The following TAF4 variants were observed in gnomAD, a reference collection of about 807,000 sequenced individuals.
TAF4 encodes transcription initiation factor TFIID subunit 4.
In TAF4, 9 loss-of-function variants were observed where a neutral mutation model predicts 90.3. The observed-to-expected ratio is 0.10, with a 90% CI of 0.06 to 0.17. The LOEUF (loss-of-function observed/expected upper bound fraction) is 0.17, where lower values mean the gene tolerates loss of function less well. Among genes scored for constraint, TAF4 ranks in the 10% least tolerant of loss-of-function variants. TAF4 has a pLI of 1.00. For missense variants in TAF4, 1,351 were observed against 1,370.7 expected, an observed-to-expected ratio of 0.99 and a Z score of 0.23; for synonymous variants, 818 against 638.9, an observed-to-expected ratio of 1.28 and a Z score of -4.23.
At chr20:62,045,191 C>T (rs1372197804) in intron 1 of TAF4, among the ~76,000 whole-genome samples, 1 of 152,214 alleles carries the variant, frequency 6.6e-6, no homozygotes, top group East Asian at 1.9e-4. Context: ...AAACGGAATC[C>T]CATCGGGATG....
At chr20:61,989,394 C>G (rs1308508219) in intron 14 of TAF4, among the ~76,000 whole-genome samples, 1 of 152,164 alleles carries the variant, frequency 6.6e-6, no homozygotes, top group Non-Finnish European at 1.5e-5. Context: ...AGACTCCAGC[C>G]ACAAGAAGCT....
chr20:62,009,182 A>G lies in TAF4; in HGVS notation c.1762-8T>C, dbSNP rs750254340. 1 of 1,599,842 alleles carries G rather than the reference A, an allele frequency of 6.3e-7. No homozygotes were observed. The highest frequency in any genetic ancestry group is 8.5e-7 in the Non-Finnish European group (1 of 1,175,616). ...CACGTTTTCCATAGTTTCCTGGATT[A>G]AAGTAAAAAGATATAAGTGAAAAAT... is the stretch of plus-strand genomic sequence containing the variant. On this transcript the variant is annotated splice_polypyrimidine_tract_variant and splice_region_variant and intron_variant, in intron 4 of 14. Coordinates refer to ENST00000252996, the MANE Select transcript of TAF4 (RefSeq NM_003185.4).
At chr20:62,045,488 G>T (rs28382020) in intron 1 of TAF4, among the ~76,000 whole-genome samples, 2 of 152,256 alleles carry the variant, frequency 1.3e-5, no homozygotes, top group South Asian at 4.1e-4. Context: ...ATGAACCAGC[G>T]ATGCTGCCTG....
At position 62,065,263 on chromosome 20, in the gene TAF4, CCGGGG is replaced by C. The variant is rs2056122164; in HGVS notation, c.543_547del (p.Gly183TrpfsTer277). The C allele has an allele frequency of 6.6e-6, 6 of 910,676 alleles. No homozygotes were observed. Among genetic ancestry groups the C allele is most frequent in the South Asian group, 9.8e-5 (2 of 20,306 alleles). The allele number at this position is 910,676 out of a possible 1,614,324, so 56.4% of individuals were successfully genotyped here. A position where few individuals can be genotyped will look rare whatever the true frequency, so the allele number is the denominator to read the frequency against. ...GCCGGCGGGCTTGCCAGGGCCAGGG[CCGGGG>C]CCGGGGCCGGGGCCGGGCCCGGGGC... On this transcript the variant is annotated frameshift_variant, in exon 1 of 15. Coordinates refer to ENST00000252996, the MANE Select transcript of TAF4 (RefSeq NM_003185.4). LOFTEE classifies it high-confidence loss of function.
chr20:62,052,480 A>G (rs2056034676), intron 1 of TAF4, among the ~76,000 whole-genome samples: 1 of 151,318 alleles, frequency 6.6e-6, no homozygotes, highest in Admixed American at 6.6e-5. Flanking sequence ...AGATCGACAA[A>G]CCCCAGGGTG....
intron 7 of TAF4, chr20:62,005,072 G>A (rs972784352): frequency 3.3e-5 from 5 of 152,338 alleles, no homozygotes; most frequent in African/African-American, 4.8e-5. Flanking sequence ...CTGGGGAAGC[G>A]GCCTATAATG....
At chr20:62,035,564 G>A (rs1312369854) in intron 1 of TAF4, among the ~76,000 whole-genome samples, 1 of 136,936 alleles carries the variant, frequency 7.3e-6, no homozygotes, top group Non-Finnish European at 1.6e-5. Flanking sequence ...CCCATGCCAG[G>A]AGGATTACAT....
intron 1 of TAF4, among the ~76,000 whole-genome samples, chr20:62,038,226 A>AC (rs2055944740): frequency 1.3e-5 from 2 of 151,966 alleles, no homozygotes; most frequent in Non-Finnish European, 2.9e-5. Context: ...ACAGGGTTTC[A>AC]CAGTGTTAGC....
chr20:62,003,091 G>A, intron 9 of TAF4, 69 bp downstream of exon 9: 1 of 1,375,006 alleles, frequency 7.3e-7, no homozygotes, highest in Non-Finnish European at 1.0e-6. Context: ...CGGGAATGGA[G>A]CAGCACGGAC....
chr20:61,981,522 A>C (rs1012522875), intron 14 of TAF4: 1 of 152,216 alleles, frequency 6.6e-6, no homozygotes, highest in African/African-American at 2.4e-5. Flanking sequence ...GAAGAGACAA[A>C]ATTATCTCAG....
chr20:62,013,592 C>T (rs2055792285), intron 2 of TAF4, among the ~76,000 whole-genome samples: 1 of 152,244 alleles, frequency 6.6e-6, no homozygotes, highest in Non-Finnish European at 1.5e-5. Flanking sequence ...CGTCCACGTC[C>T]CTGTCTATGG....
At chr20:62,018,746 GCACC>G (rs2123157826) in intron 1 of TAF4, among the ~76,000 whole-genome samples, 1 of 152,380 alleles carries the variant, frequency 6.6e-6, no homozygotes, top group East Asian at 1.9e-4. Context: ...CCGGCTCCAC[GCACC>G]CAGCCCTCGA....
chr20:62,006,562 A>T lies in TAF4; in HGVS notation c.2171T>A (p.Leu724His). The T allele has an allele frequency of 6.3e-7, 1 of 1,580,834 alleles. No homozygotes were observed. The highest frequency in any genetic ancestry group is 8.6e-7 in the Non-Finnish European group (1 of 1,166,438). The change falls in exon 7 of 15, where the codon CTC becomes CAC. Residue 724 changes from leucine to histidine, a missense_variant. By Grantham distance (99) the Leu-to-His change is moderately conservative. Transcript: ENST00000252996. This position sits in a 1 kb window ranked among gnomAD's most constrained non-coding sequence, Gnocchi z 7.0. ...TSALQPPVLS[L>H]TQPTQVGVGK... ...GACGCCGACCTGCGTGGGCTGCGTG[A>T]GGCTGAGCACAGGGGGCTGGAGGGC...
chr20:62,052,808 C>G (rs1453336170), intron 1 of TAF4, among the ~76,000 whole-genome samples: 1 of 145,474 alleles, frequency 6.9e-6, no homozygotes, highest in African/African-American at 2.6e-5. Flanking sequence ...CACCACCCCA[C>G]CCCCACAGTA....
intron 11 of TAF4, among the ~76,000 whole-genome samples, chr20:61,999,699 AT>A (rs2055686600): frequency 6.6e-6 from 1 of 152,214 alleles, no homozygotes; most frequent in South Asian, 2.1e-4. Flanking sequence ...TAATCCCAGC[AT>A]TTAAGGAGGC....
chr20:62,049,362 G>A (rs2056013100), intron 1 of TAF4, among the ~76,000 whole-genome samples: 1 of 152,156 alleles, frequency 6.6e-6, no homozygotes. Flanking sequence ...CCTGGCACCA[G>A]CCAGCATCCA....
rs372866621 is a variant in TAF4, at chr20:62,000,932, A to G, written c.2487-211T>C. On this transcript the variant is annotated intron_variant, in intron 9 of 14. Coordinates refer to ENST00000252996, the MANE Select transcript of TAF4 (RefSeq NM_003185.4). ...AAGCTCGATTGTTCTGCGGAAGGAG[A>G]GCTGTGAGTTGGCGCCGGGTTAACA... is the stretch of plus-strand genomic sequence containing the variant. Among the ~76,000 whole-genome samples, 12 of 151,914 alleles carry G rather than the reference A, an allele frequency of 7.9e-5. No homozygotes were observed. In the East Asian group the frequency reaches 1.9e-3, roughly 25 times the overall value.
Position 62,065,010 on chromosome 20 carries a change from G to A in TAF4, c.801C>T (p.Ala267=), listed in dbSNP as rs1469071957. The change falls in exon 1 of 15, where the codon GCC becomes GCT. Residue 267 remains alanine, a synonymous_variant. Coordinates refer to ENST00000252996, the MANE Select transcript of TAF4 (RefSeq NM_003185.4). ...PPAAPAPAAP[A]AAPPPPPPAP... ...CGGGGGGTGGCGGGGGCGGGGCGGC[G>A]GCGGGGGCGGCGGGCGCGGGGGCGG... 3.1e-6 allele frequency: 1 copy of A among 322,204 alleles called. No individual in the cohort carries two copies. Among genetic ancestry groups the A allele is most frequent in the Non-Finnish European group, 4.2e-6 (1 of 235,828 alleles). The allele number at this position is 322,204 out of a possible 1,614,324, so 20.0% of individuals were successfully genotyped here.
At chr20:62,014,455 C>A in intron 2 of TAF4, 92 bp downstream of exon 2, 1 of 1,433,220 alleles carries the variant, frequency 7.0e-7, no homozygotes, top group Non-Finnish European at 9.2e-7. Context: ...ACTCCCATGG[C>A]TGTGCCTGGC....
Sources: gnomAD v4.1 joint callset for allele counts (sites outside exome capture counted in the v4.1 genomes callset) on GRCh38, gnomAD v4.1.1 for gene constraint, Gnocchi (gnomAD v3.1) non-coding constraint, MANE v1.5 for transcripts, NCBI Gene and HGNC (gene_info 2026-07-23, HGNC 2026-07-21) for gene names.